Variants in NUDCD1 observed in about 807,000 individuals in gnomAD.
NUDCD1 encodes the protein nudC domain-containing protein 1.
A neutral mutation model predicts 67.8 loss-of-function variants in NUDCD1; 60 were observed. That is an observed-to-expected ratio of 0.88 (90% CI 0.72 to 1.10). NUDCD1 has a LOEUF of 1.10. NUDCD1 is among the 50% of genes least tolerant of loss of function. NUDCD1 has a pLI of 0.00. For missense variants in NUDCD1, 643 were observed against 695.0 expected (o/e 0.93, Z 0.84); for synonymous variants, 244 against 230.8 (o/e 1.06, Z -0.52).
At chr8:109,312,796 T>C (rs1185662022) in intron 2 of NUDCD1, among the ~76,000 whole-genome samples, 3 of 152,168 alleles carry the variant, frequency 2.0e-5, no homozygotes, top group Non-Finnish European at 2.9e-5. Flanking sequence ...CAGGAATAGT[T>C]TCACAAAACA....
chr8:109,304,113 G>A (rs1435202390), intron 2 of NUDCD1, among the ~76,000 whole-genome samples: 1 of 152,018 alleles, frequency 6.6e-6, no homozygotes, highest in African/African-American at 2.4e-5. Context: ...CCTAAAAGCT[G>A]CTCCCACACT....
intron 2 of NUDCD1, among the ~76,000 whole-genome samples, chr8:109,317,559 A>G (rs1039579161): frequency 6.7e-6 from 1 of 150,038 alleles, no homozygotes; most frequent in Non-Finnish European, 1.5e-5. Flanking sequence ...CACAGGATCC[A>G]TTGTTCTGTG....
chr8:109,276,240 G>A (rs985610861), intron 6 of NUDCD1, among the ~76,000 whole-genome samples: 1 of 152,132 alleles, frequency 6.6e-6, no homozygotes, highest in African/African-American at 2.4e-5. Flanking sequence ...CAGAGTCAAG[G>A]CAGACTACGG....
intron 5 of NUDCD1, among the ~76,000 whole-genome samples, chr8:109,284,417 T>G (rs1182984053): frequency 6.6e-6 from 1 of 151,966 alleles, no homozygotes; most frequent in Non-Finnish European, 1.5e-5. Flanking sequence ...GGACTTAAAT[T>G]TGACACTTAA....
At chr8:109,273,438 T>C (rs1041384317) in intron 7 of NUDCD1, among the ~76,000 whole-genome samples, 3 of 152,102 alleles carry the variant, frequency 2.0e-5, no homozygotes, top group Non-Finnish European at 4.4e-5. Flanking sequence ...GAAGGATATG[T>C]ACAACATTAA....
At chr8:109,249,847 C>CTTTT (rs35856577) in intron 8 of NUDCD1, among the ~76,000 whole-genome samples, 3 of 133,922 alleles carry the variant, frequency 2.2e-5, no homozygotes, top group Non-Finnish European at 3.1e-5. Flanking sequence ...TTGTTGAATT[C>CTTTT]TTTTTTTTTT....
chr8:109,245,481 C>T lies in NUDCD1; in HGVS notation c.1300G>A (p.Val434Met). Residue 434 changes from valine to methionine, a missense_variant and splice_region_variant, in exon 9 of 10, where the codon GTG (valine) becomes ATG (methionine). Transcript: ENST00000239690. ...DGNTLKTTHV[V>M]NLGSNQYLFS... ...AGGTACTGGTTGCTTCCAAGATTCA[C>T]CTAAAAAGTGATTTAAAAAAAAATT... 1 of 1,586,066 alleles carries T rather than the reference C, an allele frequency of 6.3e-7. No individual in the cohort carries two copies. Among genetic ancestry groups the T allele is most frequent in the Non-Finnish European group, 8.6e-7 (1 of 1,167,834 alleles).
At chr8:109,289,487 A>T (rs1019858424) in intron 5 of NUDCD1, among the ~76,000 whole-genome samples, 3 of 152,226 alleles carry the variant, frequency 2.0e-5, no homozygotes, top group African/African-American at 7.2e-5. Flanking sequence ...ATAACTATTT[A>T]TTAAGCACCT....
At position 109,279,103 on chromosome 8, in the gene NUDCD1, T is replaced by A. The variant is rs564686084; in HGVS notation, c.1028+1865A>T. Among the ~76,000 whole-genome samples, 5 of 152,262 alleles carry A rather than the reference T, an allele frequency of 3.3e-5. No homozygotes were observed. The East Asian group carries it at 9.6e-4, about 29-fold the overall frequency. On this transcript the variant is annotated intron_variant, in intron 6 of 9. Transcript: ENST00000239690. ...GACCCTGTCTCAGAAAAACAAAAAA[T>A]TATATACATTCATTTATTTTGGTTA... is the stretch of plus-strand genomic sequence containing the variant.
At chr8:109,254,294 G>A (rs1813681301) in intron 8 of NUDCD1, among the ~76,000 whole-genome samples, 1 of 152,124 alleles carries the variant, frequency 6.6e-6, no homozygotes. Flanking sequence ...TCATTCTGAT[G>A]ATATGTAACC....
rs569392886 is a variant in NUDCD1, at chr8:109,300,624, C to T, written c.274-4055G>A. ...TATGTTAAATGACCAAACCTAAGAA[C>T]AATCGGCATTCCTGTGGAAGAAGAG... On this transcript the variant is annotated intron_variant, in intron 2 of 9. Transcript: ENST00000239690. Among the ~76,000 whole-genome samples the T allele has an allele frequency of 2.6e-5, 4 of 152,232 alleles. No homozygotes were observed. In the South Asian group the frequency reaches 8.3e-4, roughly 32 times the overall value.
chr8:109,305,904 C>G (rs188959087), intron 2 of NUDCD1, among the ~76,000 whole-genome samples: 17 of 152,290 alleles, frequency 1.1e-4, no homozygotes, highest in East Asian at 7.7e-4. Context: ...AGTACTCCCC[C>G]CTACTTCCCT....
Position 109,261,751 on chromosome 8 carries a change from G to T in NUDCD1, c.1299+9254C>A, listed in dbSNP as rs574956660. 7.9e-5 allele frequency among the ~76,000 whole-genome samples: 12 copies of T among 152,038 alleles called. No homozygotes were observed. In the East Asian group the frequency reaches 2.3e-3, roughly 29 times the overall value. On this transcript the variant is annotated intron_variant, in intron 8 of 9. Coordinates refer to ENST00000239690, the MANE Select transcript of NUDCD1 (RefSeq NM_032869.4). ...TAAACAATATATATTTTTAATAAAA[G>T]ACTTCTACTTAAACTTTATTAAAAT... is the stretch of plus-strand genomic sequence containing the variant.
At chr8:109,301,413 G>A (rs1814986737) in intron 2 of NUDCD1, among the ~76,000 whole-genome samples, 1 of 152,136 alleles carries the variant, frequency 6.6e-6, no homozygotes, top group African/African-American at 2.4e-5. Context: ...TTCGGACTCA[G>A]CTCGCCTGCA....
chr8:109,245,581 G>A (rs1813475954), intron 8 of NUDCD1, 100 bp from the exon 9 acceptor site: 1 of 839,960 alleles, frequency 1.2e-6, no homozygotes, highest in Non-Finnish European at 1.9e-6. Context: ...GTCAGCAACT[G>A]TTTTATACTT....
At chr8:109,255,035 T>A (rs1813699001) in intron 8 of NUDCD1, among the ~76,000 whole-genome samples, 1 of 152,188 alleles carries the variant, frequency 6.6e-6, no homozygotes, top group South Asian at 2.1e-4. Context: ...TCAAACTTGG[T>A]AAGTTCAGAG....
chr8:109,284,072 A>G (rs1168402667), intron 5 of NUDCD1, among the ~76,000 whole-genome samples: 1 of 152,048 alleles, frequency 6.6e-6, no homozygotes, highest in African/African-American at 2.4e-5. Context: ...TGACACCCAC[A>G]GGCTCAAAGT....
chr8:109,249,857 T>TC (rs949887557), intron 8 of NUDCD1, among the ~76,000 whole-genome samples: 3 of 151,040 alleles, frequency 2.0e-5, no homozygotes, highest in Non-Finnish European at 4.4e-5. Flanking sequence ...CTTTTTTTTT[T>TC]TTTTTTGAGA....
chr8:109,320,407 T>C (rs1466543581), intron 2 of NUDCD1, among the ~76,000 whole-genome samples: 1 of 152,198 alleles, frequency 6.6e-6, no homozygotes, highest in African/African-American at 2.4e-5. Context: ...TCCCATTTGC[T>C]TTTGAAAGAA....
Sources: allele counts gnomAD v4.1 joint callset (sites outside exome capture counted in the v4.1 genomes callset), GRCh38; gene constraint gnomAD v4.1.1; transcripts MANE v1.5; gene names NCBI Gene and HGNC (gene_info 2026-07-23, HGNC 2026-07-21).